Variants in PRKCA observed in about 807,000 individuals in gnomAD.
PRKCA encodes protein kinase C alpha, also known as protein kinase C alpha type.
Under a neutral mutation model 87.0 loss-of-function variants are expected in PRKCA, and 27 were observed. The ratio of observed to expected loss-of-function variants is 0.31; its 90% confidence interval spans 0.23 to 0.43. The LOEUF is 0.43. PRKCA is among the 20% of genes least tolerant of loss of function. The pLI, the probability that PRKCA is intolerant of heterozygous loss-of-function variation, is 1.00. For synonymous variants in PRKCA, 329 were observed against 311.1 expected, an observed-to-expected ratio of 1.06 and a Z score of -0.61; for missense variants, 518 against 852.3, an observed-to-expected ratio of 0.61 and a Z score of 4.88.
chr17:66,574,480 A>G (rs967390221), intron 3 of PRKCA, among the ~76,000 whole-genome samples: 2 of 152,210 alleles, frequency 1.3e-5, no homozygotes, highest in Non-Finnish European at 2.9e-5. Flanking sequence ...AACCCTGTCT[A>G]GCACGGAGAA....
chr17:66,411,156 C>CA (rs1911775887), intron 2 of PRKCA, among the ~76,000 whole-genome samples: 1 of 151,848 alleles, frequency 6.6e-6, no homozygotes, highest in African/African-American at 2.4e-5. Context: ...ACTGCAGCCT[C>CA]AACCTCCTGG....
chr17:66,523,443 G>C (rs1339606377), intron 3 of PRKCA, among the ~76,000 whole-genome samples: 1 of 152,160 alleles, frequency 6.6e-6, no homozygotes, highest in African/African-American at 2.4e-5. Flanking sequence ...CAGTTTGTCT[G>C]TGGGCAGAAG....
chr17:66,617,733 C>T (rs1028629806), intron 3 of PRKCA, among the ~76,000 whole-genome samples: 1 of 152,134 alleles, frequency 6.6e-6, no homozygotes, highest in Non-Finnish European at 1.5e-5. Flanking sequence ...ACCACCAGGC[C>T]TTCCTTTATA....
At chr17:66,648,712 A>G (rs923736613) in intron 5 of PRKCA, among the ~76,000 whole-genome samples, 4 of 152,204 alleles carry the variant, frequency 2.6e-5, no homozygotes, top group African/African-American at 9.7e-5. Context: ...TTGCACACAC[A>G]GTACAGAGTT....
In PRKCA at chr17:66,388,895, G is replaced by A. The variant is rs531860114; in HGVS notation, c.205+82768G>A. Among the ~76,000 whole-genome samples, 11 of 152,200 alleles carry A rather than the reference G, an allele frequency of 7.2e-5. No homozygotes were observed. In the East Asian group the frequency reaches 1.7e-3, roughly 24 times the overall value. On this transcript the variant is annotated intron_variant, in intron 2 of 16. Coordinates refer to ENST00000413366, the MANE Select transcript of PRKCA (RefSeq NM_002737.3). Reference sequence around the variant, plus strand: ...ATTTTATACTCCAGTACGTTGCTTCGGTGGGAAGGGTGACCTCATTTTTTG... The same window carrying A: ...ATTTTATACTCCAGTACGTTGCTTCAGTGGGAAGGGTGACCTCATTTTTTG...
intron 3 of PRKCA, among the ~76,000 whole-genome samples, chr17:66,530,885 C>T (rs1204840427): frequency 6.6e-6 from 1 of 152,250 alleles, no homozygotes; most frequent in Non-Finnish European, 1.5e-5. Context: ...GTGCTCCCTA[C>T]CTTGCCCCTG....
chr17:66,618,493 C>A (rs954765440), intron 3 of PRKCA, among the ~76,000 whole-genome samples: 8 of 151,858 alleles, frequency 5.3e-5, no homozygotes, highest in Admixed American at 5.3e-4. Context: ...AAAACATTAA[C>A]TGTTTTGGGG....
intron 13 of PRKCA, among the ~76,000 whole-genome samples, chr17:66,757,620 T>C (rs969220239): frequency 2.0e-5 from 3 of 149,974 alleles, no homozygotes; most frequent in Non-Finnish European, 4.4e-5. Context: ...CCTGCAAAAT[T>C]GTCCTTCAAA....
At chr17:66,632,449 G>A (rs1206135750) in intron 3 of PRKCA, among the ~76,000 whole-genome samples, 1 of 152,014 alleles carries the variant, frequency 6.6e-6, no homozygotes, top group Admixed American at 6.6e-5. Context: ...GCATGGTCAG[G>A]GCTTACTGCA....
At chr17:66,606,508 A>T (rs1220400104) in intron 3 of PRKCA, among the ~76,000 whole-genome samples, 1 of 152,242 alleles carries the variant, frequency 6.6e-6, no homozygotes, top group African/African-American at 2.4e-5. Flanking sequence ...TGGCAAAATA[A>T]TTCTAAAAGA....
chr17:66,315,383 T>C (rs1236803783), intron 2 of PRKCA, among the ~76,000 whole-genome samples: 1 of 152,222 alleles, frequency 6.6e-6, no homozygotes, highest in Non-Finnish European at 1.5e-5. Flanking sequence ...CCAGGTGTTC[T>C]GCTGCCTCTC....
In PRKCA at chr17:66,336,999, C is replaced by T. The variant is rs1461130174; in HGVS notation, c.205+30872C>T. On this transcript the variant is annotated intron_variant, in intron 2 of 16. Coordinates refer to ENST00000413366, the MANE Select transcript of PRKCA (RefSeq NM_002737.3). Reference sequence around the variant, plus strand: ...AGAGATGGGGTTTCACCATGTTGACCAGGCTGGTCTGGAACTCCTGACCTT... The same window carrying T: ...AGAGATGGGGTTTCACCATGTTGACTAGGCTGGTCTGGAACTCCTGACCTT... Among the ~76,000 whole-genome samples, 3 of 152,212 alleles carry T rather than the reference C, an allele frequency of 2.0e-5. No individual in the cohort carries two copies. In the East Asian group the frequency reaches 5.8e-4, roughly 29 times the overall value.
chr17:66,607,786 C>T (rs1035699029), intron 3 of PRKCA, among the ~76,000 whole-genome samples: 2 of 152,000 alleles, frequency 1.3e-5, no homozygotes, highest in African/African-American at 2.4e-5. Context: ...GTTTGAGATG[C>T]CTGTAGGATC....
chr17:66,523,497 T>C (rs145072857), intron 3 of PRKCA, among the ~76,000 whole-genome samples: 13 of 152,304 alleles, frequency 8.5e-5, no homozygotes, highest in Non-Finnish European at 1.9e-4. Context: ...ATGAATTAGA[T>C]GAAATAATGC....
At chr17:66,491,408 A>C (rs1464103811) in intron 2 of PRKCA, among the ~76,000 whole-genome samples, 1 of 152,234 alleles carries the variant, frequency 6.6e-6, no homozygotes, top group Non-Finnish European at 1.5e-5. Flanking sequence ...GGGGGCCCCC[A>C]CGACAATCAT....
intron 3 of PRKCA, among the ~76,000 whole-genome samples, chr17:66,577,191 A>G (rs1393172689): frequency 6.6e-6 from 1 of 152,080 alleles, no homozygotes; most frequent in Non-Finnish European, 1.5e-5. Context: ...TTTTAATCAC[A>G]GCGGTATTTG....
At position 66,761,421 on chromosome 17, in the gene PRKCA, TGTG is replaced by T. The variant is rs563797624; in HGVS notation, c.1525-12563_1525-12561del. 5.3e-5 allele frequency among the ~76,000 whole-genome samples: 8 copies of T among 152,124 alleles called. No homozygotes were observed. In the South Asian group the frequency reaches 1.7e-3, roughly 32 times the overall value. On this transcript the variant is annotated intron_variant, in intron 13 of 16. Transcript: ENST00000413366. Reference sequence around the variant, plus strand: ...ACTCTAGACTCTTTGTTTTTAATCTTGTGGTAATTTTCTTTATTTTTCTTTACT... The same window carrying T: ...ACTCTAGACTCTTTGTTTTTAATCTTGTAATTTTCTTTATTTTTCTTTACT...
chr17:66,703,223 C>T (rs1015823040), intron 8 of PRKCA: 2 of 152,140 alleles, frequency 1.3e-5, no homozygotes, highest in Non-Finnish European at 2.9e-5. Context: ...AACACAAATA[C>T]ATTGTATAGC....
At chr17:66,468,369 C>A (rs1395560304) in intron 2 of PRKCA, among the ~76,000 whole-genome samples, 9 of 152,176 alleles carry the variant, frequency 5.9e-5, no homozygotes, top group African/African-American at 1.2e-4. Flanking sequence ...CTGACTGGGT[C>A]GCTGGCTGTG....
Sources: gnomAD v4.1 joint callset for allele counts (sites outside exome capture counted in the v4.1 genomes callset) on GRCh38, gnomAD v4.1.1 for gene constraint, MANE v1.5 for transcripts, NCBI Gene and HGNC (gene_info 2026-07-23, HGNC 2026-07-21) for gene names.